POC5: variants seen among roughly 807,000 people sequenced by gnomAD.
POC5 encodes the protein centrosomal protein POC5.
A neutral mutation model predicts 62.9 loss-of-function variants in POC5; 48 were observed. The ratio of observed to expected loss-of-function variants is 0.76; its 90% CI spans 0.61 to 0.97. The LOEUF (loss-of-function observed/expected upper bound fraction) is 0.97. POC5 is among the 50% of genes least tolerant of loss of function. The pLI is 0.00. For synonymous variants in POC5, 236 were observed against 228.2 expected (o/e 1.03, Z -0.31); for missense variants, 696 against 679.5 (o/e 1.02, Z -0.27).
At chr5:75,697,564 A>G (rs190958735) in intron 5 of POC5, among the ~76,000 whole-genome samples, 2 of 152,314 alleles carry the variant, frequency 1.3e-5, no homozygotes, top group Non-Finnish European at 2.9e-5. Context: ...AGTGCTAAAC[A>G]TGGAAAGGAA....
chr5:75,700,092 T>C (rs1224446305), intron 5 of POC5, among the ~76,000 whole-genome samples: 3 of 152,024 alleles, frequency 2.0e-5, no homozygotes, highest in African/African-American at 7.2e-5. Flanking sequence ...TGGAAGAACA[T>C]TCCATGCTCA....
intron 5 of POC5, among the ~76,000 whole-genome samples, chr5:75,695,248 TGA>T (rs1776512744): frequency 6.6e-6 from 1 of 152,194 alleles, no homozygotes; most frequent in Non-Finnish European, 1.5e-5. Flanking sequence ...AAAGAAACCA[TGA>T]GAGTTGATAC....
intron 5 of POC5, among the ~76,000 whole-genome samples, chr5:75,702,168 G>T (rs1403745716): frequency 1.3e-5 from 2 of 152,082 alleles, no homozygotes; most frequent in Admixed American, 1.3e-4. Context: ...GTCAGGGGGT[G>T]GAGGGTAAGG....
chr5:75,678,793 A>G (rs1347245599), intron 10 of POC5, among the ~76,000 whole-genome samples: 4 of 152,172 alleles, frequency 2.6e-5, no homozygotes, highest in Non-Finnish European at 4.4e-5. Context: ...ATCATATCAA[A>G]AAGTATTATC....
At position 75,674,234 on chromosome 5, in the gene POC5, T is replaced by C. The variant is rs1439841154; in HGVS notation, c.*201A>G. Reference sequence around the variant, plus strand: ...ATTTAAAAAAGTTTTACTTAATTGCTTAAATAAAAAATAACATTAAAATAA... The same window carrying C: ...ATTTAAAAAAGTTTTACTTAATTGCCTAAATAAAAAATAACATTAAAATAA... On this transcript the variant is annotated 3_prime_UTR_variant, in exon 12 of 12. Transcript: ENST00000428202. 2.4e-6 allele frequency: 1 copy of C among 410,082 alleles called. No homozygotes were observed. The highest frequency in any genetic ancestry group is 4.1e-6 in the Non-Finnish European group (1 of 244,294). The allele number at this position is 410,082 out of a possible 1,614,324, so 25.4% of individuals were successfully genotyped here.
intron 5 of POC5, among the ~76,000 whole-genome samples, chr5:75,697,148 G>C (rs1483063143): frequency 6.6e-6 from 1 of 152,164 alleles, no homozygotes; most frequent in Non-Finnish European, 1.5e-5. Context: ...ATTAATCCAG[G>C]AGAACTTCCC....
At chr5:75,675,587 ACTT>A (rs1300925375) in intron 11 of POC5, among the ~76,000 whole-genome samples, 3 of 152,202 alleles carry the variant, frequency 2.0e-5, no homozygotes, top group Admixed American at 2.0e-4. Flanking sequence ...AAGAAAAATA[ACTT>A]CTTTTCTTAA....
intron 5 of POC5, among the ~76,000 whole-genome samples, chr5:75,701,440 AATC>A (rs1394110214): frequency 7.3e-6 from 1 of 137,668 alleles, no homozygotes; most frequent in Non-Finnish European, 1.6e-5. Context: ...TGAAACTGGA[AATC>A]ATCATTCTCA....
intron 5 of POC5, among the ~76,000 whole-genome samples, chr5:75,700,180 G>A (rs1776806670): frequency 6.6e-6 from 1 of 151,736 alleles, no homozygotes; most frequent in Non-Finnish European, 1.5e-5. Flanking sequence ...TCCCCATCAA[G>A]CTACCAATGA....
chr5:75,682,355 T>C (rs1742129972), intron 10 of POC5, among the ~76,000 whole-genome samples: 1 of 152,200 alleles, frequency 6.6e-6, no homozygotes, highest in Admixed American at 6.5e-5. Context: ...TCCGCGTGTG[T>C]TAACTGCATA....
At chr5:75,676,048 C>T (rs1775636535) in intron 11 of POC5, among the ~76,000 whole-genome samples, 1 of 152,172 alleles carries the variant, frequency 6.6e-6, no homozygotes, top group African/African-American at 2.4e-5. Flanking sequence ...AATGCACATA[C>T]TGAATAAAGG....
chr5:75,686,946 G>A (rs1253951782), intron 9 of POC5, among the ~76,000 whole-genome samples: 2 of 151,988 alleles, frequency 1.3e-5, no homozygotes, highest in East Asian at 1.9e-4. Flanking sequence ...GCAAAGAATC[G>A]GTACAAATAA....
chr5:75,690,755 A>G (rs1776297869), intron 7 of POC5, among the ~76,000 whole-genome samples, 193 bp from the exon 8 acceptor site: 1 of 152,230 alleles, frequency 6.6e-6, no homozygotes, highest in Non-Finnish European at 1.5e-5. Flanking sequence ...ACATAAGTAG[A>G]TGAGTAAAGC....
intron 10 of POC5, among the ~76,000 whole-genome samples, chr5:75,680,257 G>A (rs1167606420): frequency 3.3e-5 from 5 of 152,124 alleles, no homozygotes; most frequent in African/African-American, 4.8e-5. Context: ...GCCCAATCAC[G>A]CTTGAGGGGT....
chr5:75,714,206 C>A (rs181301011), intron 1 of POC5, among the ~76,000 whole-genome samples: 44 of 152,182 alleles, frequency 2.9e-4, no homozygotes, highest in Middle Eastern at 3.4e-3. Context: ...ATGGCGAAAC[C>A]CTGTCTCTAT....
At chr5:75,690,662 T>C in intron 7 of POC5, 100 bp from the exon 8 acceptor site, 1 of 945,532 alleles carries the variant, frequency 1.1e-6, no homozygotes, top group Non-Finnish European at 1.5e-6. Context: ...CATATACACA[T>C]TATTTAATTC....
intron 6 of POC5, among the ~76,000 whole-genome samples, chr5:75,694,120 T>C (rs1261355284): frequency 6.6e-6 from 1 of 152,022 alleles, no homozygotes; most frequent in Non-Finnish European, 1.5e-5. Context: ...TAGTGAGCTA[T>C]GATTATGCCT....
chr5:75,712,425 T>C (rs945731310), intron 2 of POC5: 2 of 1,612,768 alleles, frequency 1.2e-6, no homozygotes, highest in Non-Finnish European at 8.5e-7. Flanking sequence ...CAGATTGTAC[T>C]GAATGTTGTG....
At position 75,677,834 on chromosome 5, in the gene POC5, T is replaced by A. The variant is rs1208360656; in HGVS notation, c.1524A>T (p.Ile508=). The A allele has an allele frequency of 6.2e-7, 1 of 1,612,870 alleles. No homozygotes were observed. The highest frequency in any genetic ancestry group is 8.5e-7 in the Non-Finnish European group (1 of 1,179,364). The change falls in exon 11 of 12, where the codon ATA becomes ATT. Residue 508 remains isoleucine, a synonymous_variant. Coordinates refer to ENST00000428202, the MANE Select transcript of POC5 (RefSeq NM_001099271.2). The part of the protein sequence containing the change: ...SKNRISSSLA[I]MGVSPPMSSV... Reference sequence around the variant, plus strand: ...AGCTCATGGGAGGAGAAACTCCCATTATAGCTAAACTGCTGCTAATTCTAT... The same window carrying A: ...AGCTCATGGGAGGAGAAACTCCCATAATAGCTAAACTGCTGCTAATTCTAT...
Sources: gnomAD v4.1 joint callset for allele counts (sites outside exome capture counted in the v4.1 genomes callset) on GRCh38, gnomAD v4.1.1 for gene constraint, MANE v1.5 for transcripts, NCBI Gene and HGNC (gene_info 2026-07-23, HGNC 2026-07-21) for gene names.